Variants in FOXP4 observed in about 807,000 individuals in gnomAD.
FOXP4 encodes the protein forkhead box P4, also known as forkhead box protein P4.
FOXP4 carries 25 observed loss-of-function variants against 82.6 expected under a neutral mutation model. That is an observed-to-expected ratio of 0.30 (90% CI 0.22 to 0.42). FOXP4 has a LOEUF of 0.42. FOXP4 is among the 10% of genes least tolerant of loss of function. FOXP4 has a pLI of 1.00. For missense variants in FOXP4, 785 were observed against 900.9 expected (o/e 0.87, Z 1.65); for synonymous variants, 415 against 388.2 (o/e 1.07, Z -0.81).
intron 1 of FOXP4, among the ~76,000 whole-genome samples, chr6:41,562,564 C>T (rs796069862): frequency 5.9e-5 from 9 of 152,270 alleles, no homozygotes; most frequent in African/African-American, 2.2e-4. Flanking sequence ...TTTTTCCAAA[C>T]TTACTGTCTG....
chr6:41,594,261 G>A lies in FOXP4; in HGVS notation c.1537-609G>A, dbSNP rs141921183. On this transcript the variant is annotated intron_variant, in intron 13 of 16. Transcript: ENST00000307972. ...TCAACCCACACTCTCCTCTCTCCCT[G>A]TTTATTTCAACAAGTATGTATGAGG... Among the ~76,000 whole-genome samples the A allele has an allele frequency of 2.4e-3, 359 of 152,328 alleles. 1 individual carries two copies. The highest frequency in any genetic ancestry group is 3.6e-3 in the Non-Finnish European group (246 of 68,028).
At chr6:41,575,699 C>T (rs1350519114) in intron 2 of FOXP4, among the ~76,000 whole-genome samples, 1 of 149,026 alleles carries the variant, frequency 6.7e-6, no homozygotes, top group East Asian at 2.0e-4. Context: ...CCCCTGGCCA[C>T]CCCCCACCCC....
At chr6:41,556,189 TAGC>T (rs1411036220) in intron 1 of FOXP4, among the ~76,000 whole-genome samples, 2 of 152,158 alleles carry the variant, frequency 1.3e-5, no homozygotes, top group East Asian at 1.9e-4. Flanking sequence ...CTCAGTCACT[TAGC>T]AGTCAGGTAA....
chr6:41,590,002 A>G lies in FOXP4; in HGVS notation c.1189A>G (p.Thr397Ala). The G allele has an allele frequency of 6.2e-7, 1 of 1,613,846 alleles. No homozygotes were observed. The highest frequency in any genetic ancestry group is 8.5e-7 in the Non-Finnish European group (1 of 1,179,950). The change falls in exon 11 of 17, where the codon ACC (threonine) becomes GCC (alanine). Residue 397 changes from threonine (T) to alanine (A), a missense_variant. Physicochemically the swap from Thr to Ala is moderately conservative, Grantham distance 58 (BLOSUM62 0). Coordinates refer to ENST00000307972, the MANE Select transcript of FOXP4 (RefSeq NM_001012426.2). ...CGGCTCCTCCTCATTCTCCAAGGTG[A>G]CCGTCTCTGCAGCAGACTCATTCCC... ...VPGSSSFSKVTVSAADSFPDG... is the reference protein window; with the variant it reads ...VPGSSSFSKVAVSAADSFPDG...
rs71558753 is a variant in FOXP4 at position 41,599,822 on chromosome 6, C to T, written c.*886C>T. ...ACCCACATCCAGCCTGCAGGCCTCT[C>T]TGCAGTCCTCTCACCCTCCCTCAGC... On this transcript the variant is annotated 3_prime_UTR_variant, in exon 17 of 17. Coordinates refer to ENST00000307972, the MANE Select transcript of FOXP4 (RefSeq NM_001012426.2). 6.6e-6 allele frequency: 1 copy of T among 152,590 alleles called. No individual in the cohort carries two copies. The highest frequency in any genetic ancestry group is 1.5e-5 in the Non-Finnish European group (1 of 68,080). 9.5% of individuals were successfully genotyped at this position (152,590 alleles called of 1,614,324 possible).
At chr6:41,565,661 T>G in intron 1 of FOXP4, 84 bp from the exon 2 acceptor site, 27 of 1,232,374 alleles carry the variant, frequency 2.2e-5, no homozygotes, top group African/African-American at 3.0e-5. Context: ...CCTGTGGCGA[T>G]GGTTATGTTT....
intron 3 of FOXP4, among the ~76,000 whole-genome samples, chr6:41,579,966 G>T (rs554680605): frequency 6.6e-6 from 1 of 152,046 alleles, no homozygotes; most frequent in African/African-American, 2.4e-5. Context: ...GCCCAGAGAG[G>T]TTAAGAAAGT....
chr6:41,553,627 T>C (rs988353769), intron 1 of FOXP4, among the ~76,000 whole-genome samples: 5 of 152,118 alleles, frequency 3.3e-5, no homozygotes, highest in Non-Finnish European at 5.9e-5. Flanking sequence ...TCTCACCCTT[T>C]GGGAATTTGG....
chr6:41,598,977 C>T lies in FOXP4; in HGVS notation c.*41C>T, dbSNP rs754049093. Reference sequence around the variant, plus strand: ...GGCAGGGCTGGGGTGAGACCCCTCCCTTCCAGAATCCAGGCCCCATCTCCC... The same window carrying T: ...GGCAGGGCTGGGGTGAGACCCCTCCTTTCCAGAATCCAGGCCCCATCTCCC... On this transcript the variant is annotated 3_prime_UTR_variant, in exon 17 of 17. Transcript: ENST00000307972. 1 of 1,506,086 alleles carries T rather than the reference C, an allele frequency of 6.6e-7. No individual in the cohort carries two copies. The highest frequency in any genetic ancestry group is 1.4e-5 in the South Asian group (1 of 73,512). 93.3% of individuals were successfully genotyped at this position (1,506,086 alleles called of 1,614,324 possible).
Position 41,597,173 on chromosome 6 carries a change from C to T in FOXP4, c.1659-3C>T. 1 of 1,614,186 alleles carries T rather than the reference C, an allele frequency of 6.2e-7. No homozygotes were observed. The highest frequency in any genetic ancestry group is 8.5e-7 in the Non-Finnish European group (1 of 1,180,026). ...GCCAAAGATGGCCTTCTCTGTCCTC[C>T]AGGAGCCCCACCCTGGTGAAGAACA... On this transcript the variant is annotated splice_polypyrimidine_tract_variant and splice_region_variant and intron_variant, in intron 14 of 16. Coordinates refer to ENST00000307972, the MANE Select transcript of FOXP4 (RefSeq NM_001012426.2).
At chr6:41,569,178 TGAG>T (rs1765046100) in intron 2 of FOXP4, among the ~76,000 whole-genome samples, 1 of 152,160 alleles carries the variant, frequency 6.6e-6, no homozygotes, top group South Asian at 2.1e-4. Flanking sequence ...CTGTCTACCC[TGAG>T]GAGAAGGTGC....
At position 41,582,382 on chromosome 6, in the gene FOXP4, C is replaced by T. The variant is rs867272004; in HGVS notation, c.301-2387C>T. Among the ~76,000 whole-genome samples the T allele has an allele frequency of 3.9e-5, 6 of 152,226 alleles. No homozygotes were observed. In the South Asian group the frequency reaches 8.3e-4, roughly 21 times the overall value. ...TGGGCACATAATAAGCAGTCAGCAA[C>T]GTCTGCTAATGATGCAGGGAGGGCA... On this transcript the variant is annotated intron_variant, in intron 3 of 16. Transcript: ENST00000307972.
chr6:41,548,160 C>G (rs148508113), intron 1 of FOXP4, among the ~76,000 whole-genome samples: 1 of 152,304 alleles, frequency 6.6e-6, no homozygotes, highest in African/African-American at 2.4e-5. Flanking sequence ...AGCCCCCTCC[C>G]GGCTGGTTTC....
rs1186054443 is a variant in FOXP4, at chr6:41,599,859, TG to T, written c.*924del. On this transcript the variant is annotated 3_prime_UTR_variant, in exon 17 of 17. Coordinates refer to ENST00000307972, the MANE Select transcript of FOXP4 (RefSeq NM_001012426.2). ...CACCCTCCCTCAGCTCCCCTTCCTCTGCAGTCACCCTCAGCTCCCCTTCCTT... is the reference window on the plus strand; with the variant it reads ...CACCCTCCCTCAGCTCCCCTTCCTCTCAGTCACCCTCAGCTCCCCTTCCTT... The T allele has an allele frequency of 2.0e-5, 3 of 152,540 alleles. No individual in the cohort carries two copies. Among genetic ancestry groups the T allele is most frequent in the African/African-American group, 7.3e-5 (3 of 41,370 alleles). 9.4% of individuals were successfully genotyped at this position (152,540 alleles called of 1,614,324 possible).
At chr6:41,575,498 C>A (rs968471973) in intron 2 of FOXP4, among the ~76,000 whole-genome samples, 2 of 148,060 alleles carry the variant, frequency 1.4e-5, no homozygotes, top group African/African-American at 5.0e-5. Context: ...ACCTGGCTCT[C>A]ATCTGGCCTG....
At chr6:41,587,641 C>G (rs1766230164) in intron 7 of FOXP4, 129 bp downstream of exon 7, 1 of 892,186 alleles carries the variant, frequency 1.1e-6, no homozygotes, top group African/African-American at 1.7e-5. Flanking sequence ...CCTCTCCACT[C>G]CCTCTCCCGG....
In FOXP4 at chr6:41,585,464, C is replaced by T; in HGVS notation, c.457C>T (p.Leu153Phe). The T allele has an allele frequency of 6.2e-7, 1 of 1,613,952 alleles. No homozygotes were observed. Among genetic ancestry groups the T allele is most frequent in the Non-Finnish European group, 8.5e-7 (1 of 1,179,910 alleles). The change falls in exon 5 of 17, where the codon CTC becomes TTC. Residue 153 changes from leucine (L) to phenylalanine (F), a missense_variant. Around this residue, in one of 3 missense-constraint regions of FOXP4, gnomAD observed 570 missense variants for 634.0 expected, o/e 0.90. Transcript: ENST00000307972. ...QEYYKKQQEQ[L>F]HLQLLTQQQA... ...GTACTACAAGAAGCAGCAGGAGCAG[C>T]TCCACCTGCAGCTCCTCACCCAGCA... is the stretch of plus-strand genomic sequence containing the variant.
chr6:41,597,461 G>A (rs973020701), intron 15 of FOXP4, among the ~76,000 whole-genome samples: 2 of 152,214 alleles, frequency 1.3e-5, no homozygotes, highest in Admixed American at 1.3e-4. Context: ...GCAGCTGGGA[G>A]GATGGCATAC....
chr6:41,566,727 A>G (rs575665653), intron 2 of FOXP4, among the ~76,000 whole-genome samples: 1 of 152,348 alleles, frequency 6.6e-6, no homozygotes, highest in East Asian at 1.9e-4. Flanking sequence ...CCCAGCCAAC[A>G]GCCCTGGCCT....
Sources: gnomAD v4.1 joint callset for allele counts (sites outside exome capture counted in the v4.1 genomes callset) on GRCh38, gnomAD v4.1.1 for gene constraint, gnomAD v4.1.1 regional missense constraint, MANE v1.5 for transcripts, NCBI Gene and HGNC (gene_info 2026-07-23, HGNC 2026-07-21) for gene names.